The following UVRAG variants were observed in gnomAD, a reference collection of about 807,000 sequenced individuals.
UVRAG encodes the protein UV radiation resistance-associated gene protein.
A neutral mutation model predicts 78.0 loss-of-function variants in UVRAG; 19 were observed. That is an observed-to-expected ratio of 0.24 (90% CI 0.17 to 0.36). UVRAG has a LOEUF of 0.36. Ranked by LOEUF, UVRAG falls within the 10% of genes least tolerant of loss-of-function variation. UVRAG has a pLI of 1.00. For synonymous variants in UVRAG, 323 were observed against 324.6 expected (o/e 1.00, Z 0.05); for missense variants, 740 against 853.8 (o/e 0.87, Z 1.66).
intron 12 of UVRAG, among the ~76,000 whole-genome samples, chr11:76,064,816 TTCA>T (rs1951157508): frequency 6.6e-6 from 1 of 152,234 alleles, no homozygotes; most frequent in South Asian, 2.1e-4. Context: ...TGCCATTCAT[TTCA>T]ATAAGATTAT....
In UVRAG at chr11:75,815,396, C is replaced by T. The variant is rs1308746867; in HGVS notation, c.-12C>T. Reference sequence around the variant, plus strand: ...AGTGCCCGCCCCGCCGCTTGGCGGCCCCTGGATCGAGATGAGCGCCTCCGC... The same window carrying T: ...AGTGCCCGCCCCGCCGCTTGGCGGCTCCTGGATCGAGATGAGCGCCTCCGC... On this transcript the variant is annotated 5_prime_UTR_variant, in exon 1 of 15. Coordinates refer to ENST00000356136, the MANE Select transcript of UVRAG (RefSeq NM_003369.4). The T allele has an allele frequency of 4.9e-6, 6 of 1,229,964 alleles. No individual in the cohort carries two copies. Among genetic ancestry groups the T allele is most frequent in the Non-Finnish European group, 5.1e-6 (5 of 979,614 alleles). 76.2% of individuals were successfully genotyped at this position (1,229,964 alleles called of 1,614,324 possible).
intron 14 of UVRAG, among the ~76,000 whole-genome samples, chr11:76,125,543 C>T (rs928990897): frequency 6.6e-6 from 1 of 152,168 alleles, no homozygotes; most frequent in African/African-American, 2.4e-5. Flanking sequence ...TTTTCTGCCT[C>T]CAGTCAGGAT....
chr11:75,861,721 ATTG>A (rs747954867), intron 2 of UVRAG, 22 bp from the exon 3 acceptor site: 393 of 1,559,322 alleles, frequency 2.5e-4, no homozygotes, highest in Non-Finnish European at 3.3e-4. Context: ...CATATCACTT[ATTG>A]TTCTTTTTTC....
chr11:75,845,994 AT>A (rs1165250841), intron 1 of UVRAG, among the ~76,000 whole-genome samples: 1 of 152,234 alleles, frequency 6.6e-6, no homozygotes, highest in African/African-American at 2.4e-5. Context: ...GTAAATTTAC[AT>A]TTTAATTACT....
intron 11 of UVRAG, 28 bp downstream of exon 11, chr11:76,008,895 G>T (rs748259238): frequency 1.6e-6 from 2 of 1,243,172 alleles, no homozygotes; most frequent in South Asian, 1.5e-5. Flanking sequence ...TTGAAGATTT[G>T]TTATATATTA....
intron 13 of UVRAG, among the ~76,000 whole-genome samples, chr11:76,108,474 A>T (rs17134532): frequency 0.093 from 14,101 of 152,228 alleles, 1,442 homozygotes; most frequent in African/African-American, 0.26. Flanking sequence ...AGCAACATTT[A>T]TCAAGCTGCA....
At chr11:75,926,841 C>T (rs1395297275) in intron 6 of UVRAG, among the ~76,000 whole-genome samples, 3 of 151,368 alleles carry the variant, frequency 2.0e-5, no homozygotes, top group South Asian at 2.1e-4. Context: ...ATATAGTTGC[C>T]GTCTTTAAAC....
intron 2 of UVRAG, among the ~76,000 whole-genome samples, chr11:75,855,361 G>A (rs577606752): frequency 4.6e-5 from 7 of 152,326 alleles, no homozygotes; most frequent in African/African-American, 1.4e-4. Flanking sequence ...AGCCTCTTGA[G>A]GGCATTTACT....
At chr11:76,133,958 CTTTT>C (rs146371592) in intron 14 of UVRAG, among the ~76,000 whole-genome samples, 1 of 132,884 alleles carries the variant, frequency 7.5e-6, no homozygotes, top group Admixed American at 7.3e-5. Context: ...TTTTTCTTTT[CTTTT>C]TTTTTTTTTG....
chr11:75,851,915 C>T lies in UVRAG; in HGVS notation c.150C>T (p.Ala50=), dbSNP rs1164060770. 1 of 1,613,932 alleles carries T rather than the reference C, an allele frequency of 6.2e-7. No homozygotes were observed. The highest frequency in any genetic ancestry group is 8.5e-7 in the Non-Finnish European group (1 of 1,179,964). ...TTCGACATCTTCGGAACATTGCTGC[C>T]CGGAACATTGTTAATAGAAATGGCC... ...RRLRHLRNIA[A]RNIVNRNGHQ... Residue 50 remains alanine, a synonymous_variant, in exon 2 of 15, where the codon GCC becomes GCT. Coordinates refer to ENST00000356136, the MANE Select transcript of UVRAG (RefSeq NM_003369.4).
At chr11:75,963,926 G>T (rs1212917239) in intron 7 of UVRAG, among the ~76,000 whole-genome samples, 1 of 152,164 alleles carries the variant, frequency 6.6e-6, no homozygotes, top group African/African-American at 2.4e-5. Context: ...CTCCCGAGTA[G>T]CTGGGATTAT....
intron 13 of UVRAG, among the ~76,000 whole-genome samples, chr11:76,087,215 T>C (rs1397190852): frequency 6.6e-6 from 1 of 152,208 alleles, no homozygotes; most frequent in Non-Finnish European, 1.5e-5. Context: ...GGAATGCCAG[T>C]GAGAAAGTCA....
chr11:75,854,173 C>T (rs1445669233), intron 2 of UVRAG, among the ~76,000 whole-genome samples: 4 of 152,172 alleles, frequency 2.6e-5, no homozygotes, highest in East Asian at 1.9e-4. Context: ...TAATACATGT[C>T]TTATACTAAG....
At chr11:76,037,312 G>T (rs564060275) in intron 12 of UVRAG, among the ~76,000 whole-genome samples, 1 of 152,130 alleles carries the variant, frequency 6.6e-6, no homozygotes, top group East Asian at 1.9e-4. Context: ...CCCATTAACA[G>T]ATTAAGAAAA....
intron 12 of UVRAG, among the ~76,000 whole-genome samples, chr11:76,040,147 A>G (rs1460397016): frequency 6.6e-6 from 1 of 152,112 alleles, no homozygotes. Context: ...TTCTCTGCCT[A>G]TAGCCAAGTA....
At chr11:75,858,037 T>A (rs1018976940) in intron 2 of UVRAG, among the ~76,000 whole-genome samples, 40 of 152,154 alleles carry the variant, frequency 2.6e-4, no homozygotes, top group Admixed American at 2.0e-4. Flanking sequence ...GATTTTCAGG[T>A]CACTTTTGCT....
At chr11:75,908,398 C>T (rs1200256234) in intron 5 of UVRAG, among the ~76,000 whole-genome samples, 1 of 152,188 alleles carries the variant, frequency 6.6e-6, no homozygotes, top group African/African-American at 2.4e-5. Flanking sequence ...ACAAATGGCA[C>T]TTCCCATTCT....
intron 2 of UVRAG, among the ~76,000 whole-genome samples, chr11:75,856,026 G>A (rs1398474283): frequency 1.3e-5 from 2 of 152,112 alleles, no homozygotes; most frequent in East Asian, 3.8e-4. Context: ...GTCTCACTCT[G>A]TCGCCCAGGC....
intron 13 of UVRAG, among the ~76,000 whole-genome samples, chr11:76,108,677 A>G (rs185259275): frequency 6.1e-4 from 93 of 152,344 alleles, no homozygotes; most frequent in African/African-American, 2.1e-3. Context: ...TGGAATTGAC[A>G]TGGCCGTAGT....
Sources: allele counts gnomAD v4.1 joint callset (sites outside exome capture counted in the v4.1 genomes callset), GRCh38; gene constraint gnomAD v4.1.1; transcripts MANE v1.5; gene names NCBI Gene and HGNC (gene_info 2026-07-23, HGNC 2026-07-21).